ERBB4: variants seen among roughly 807,000 people sequenced by gnomAD.
The protein encoded by ERBB4 is erb-b2 receptor tyrosine kinase 4, also known as receptor tyrosine-protein kinase erbB-4.
Under a neutral mutation model 158.0 loss-of-function variants are expected in ERBB4, and 42 were observed. That is an observed-to-expected ratio of 0.27 (90% CI 0.21 to 0.34). ERBB4 has a LOEUF of 0.34. Among genes scored for constraint, ERBB4 ranks in the 10% least tolerant of loss-of-function variants. ERBB4 has a pLI of 1.00. For missense variants in ERBB4, 1,333 were observed against 1,624.1 expected (o/e 0.82, Z 3.08); for synonymous variants, 583 against 558.7 (o/e 1.04, Z -0.61).
intron 20 of ERBB4, among the ~76,000 whole-genome samples, chr2:211,468,548 G>GA (rs967168974): frequency 2.0e-5 from 3 of 152,038 alleles, no homozygotes; most frequent in Non-Finnish European, 2.9e-5. Context: ...TATTTGCCTG[G>GA]AAAAATGTAG....
intron 1 of ERBB4, among the ~76,000 whole-genome samples, chr2:212,372,525 G>A (rs556760625): frequency 5.9e-5 from 9 of 152,056 alleles, no homozygotes; most frequent in South Asian, 2.1e-4. Flanking sequence ...TGAGGCGGGC[G>A]GATCACAAAT....
intron 1 of ERBB4, among the ~76,000 whole-genome samples, chr2:212,235,543 T>C (rs1322771824): frequency 6.6e-6 from 1 of 152,204 alleles, no homozygotes; most frequent in Admixed American, 6.5e-5. Context: ...GCATTGAATC[T>C]ATAAATTACT....
At chr2:211,578,292 G>A (rs1031639198) in intron 19 of ERBB4, among the ~76,000 whole-genome samples, 3 of 152,030 alleles carry the variant, frequency 2.0e-5, no homozygotes, top group Admixed American at 2.0e-4. Flanking sequence ...CACTGCTCAA[G>A]GAAATCAGAG....
At chr2:212,289,415 TG>T (rs1254428992) in intron 1 of ERBB4, among the ~76,000 whole-genome samples, 1 of 152,212 alleles carries the variant, frequency 6.6e-6, no homozygotes, top group Non-Finnish European at 1.5e-5. Context: ...GAGAAATTCT[TG>T]GTTAGTAAAT....
chr2:212,181,043 T>C (rs1313120735), intron 1 of ERBB4, among the ~76,000 whole-genome samples: 2 of 151,672 alleles, frequency 1.3e-5, no homozygotes, highest in Admixed American at 1.3e-4. Flanking sequence ...GAATTGTTTT[T>C]ATTTCAATTC....
intron 3 of ERBB4, among the ~76,000 whole-genome samples, chr2:211,838,800 T>C (rs2077399117): frequency 6.6e-6 from 1 of 152,136 alleles, no homozygotes; most frequent in African/African-American, 2.4e-5. Flanking sequence ...GGGTCTGTAT[T>C]GGAGGTCACA....
chr2:211,841,035 G>A (rs1000347803), intron 3 of ERBB4, among the ~76,000 whole-genome samples: 22 of 151,966 alleles, frequency 1.4e-4, no homozygotes, highest in African/African-American at 5.3e-4. Context: ...TTATAGTGAA[G>A]AATATAATTC....
At chr2:212,502,944 G>T (rs1442697669) in intron 1 of ERBB4, among the ~76,000 whole-genome samples, 1 of 151,938 alleles carries the variant, frequency 6.6e-6, no homozygotes, top group African/African-American at 2.4e-5. Context: ...CTAATTTTTC[G>T]TACAGACAGG....
chr2:211,568,870 CATA>C (rs751677697), intron 19 of ERBB4, among the ~76,000 whole-genome samples: 3 of 152,072 alleles, frequency 2.0e-5, no homozygotes, highest in African/African-American at 7.2e-5. Flanking sequence ...ATCACTGGTC[CATA>C]ATAATTTTTT....
chr2:212,501,128 A>G (rs1408480096), intron 1 of ERBB4, among the ~76,000 whole-genome samples: 1 of 152,206 alleles, frequency 6.6e-6, no homozygotes, highest in Non-Finnish European at 1.5e-5. Flanking sequence ...CCAGTAGCAG[A>G]GTCTTTAATT....
At chr2:212,224,041 A>T (rs2105962324) in intron 1 of ERBB4, among the ~76,000 whole-genome samples, 1 of 152,088 alleles carries the variant, frequency 6.6e-6, no homozygotes, top group African/African-American at 2.4e-5. Flanking sequence ...TATTTTATGC[A>T]TATAAGCATT....
chr2:212,219,301 A>T (rs1265890897), intron 1 of ERBB4, among the ~76,000 whole-genome samples: 1 of 151,470 alleles, frequency 6.6e-6, no homozygotes, highest in Non-Finnish European at 1.5e-5. Context: ...GGTAGGGTGA[A>T]GTTTGTATAA....
chr2:211,993,041 C>T (rs2082116648), intron 2 of ERBB4, among the ~76,000 whole-genome samples: 1 of 152,198 alleles, frequency 6.6e-6, no homozygotes, highest in Admixed American at 6.5e-5. Flanking sequence ...TCTTTGCATG[C>T]TGGCGAGCCA....
At chr2:211,770,442 A>G (rs1057384992) in intron 4 of ERBB4, among the ~76,000 whole-genome samples, 1 of 152,230 alleles carries the variant, frequency 6.6e-6, no homozygotes, top group Non-Finnish European at 1.5e-5. Context: ...AAAGTTAATT[A>G]TTCAAATTGC....
At chr2:212,125,043 C>T (rs918705051) in intron 1 of ERBB4, 140 bp from the exon 2 acceptor site, 10 of 945,794 alleles carry the variant, frequency 1.1e-5, no homozygotes, top group African/African-American at 1.6e-5. Flanking sequence ...CATTAAGAGG[C>T]ATAGACCCAC....
At position 211,522,472 on chromosome 2, in the gene ERBB4, C is replaced by T. The variant is rs552544484; in HGVS notation, c.2487+39431G>A. 2.2e-4 allele frequency among the ~76,000 whole-genome samples: 33 copies of T among 152,254 alleles called. No homozygotes were observed. The East Asian group carries it at 6.4e-3, about 29-fold the overall frequency. On this transcript the variant is annotated intron_variant, in intron 20 of 27. Coordinates refer to ENST00000342788, the MANE Select transcript of ERBB4 (RefSeq NM_005235.3). ...AAGCAGTTTCTTAAGACAGAATCTA[C>T]TCATGGTGAAGGCGTTGTGAACATT...
At chr2:211,916,263 T>C (rs2125066644) in intron 3 of ERBB4, among the ~76,000 whole-genome samples, 1 of 152,134 alleles carries the variant, frequency 6.6e-6, no homozygotes, top group South Asian at 2.1e-4. Context: ...CACTGCAACC[T>C]CTGTCTCCCG....
At chr2:212,453,104 G>C (rs1226401638) in intron 1 of ERBB4, among the ~76,000 whole-genome samples, 1 of 152,142 alleles carries the variant, frequency 6.6e-6, no homozygotes, top group Non-Finnish European at 1.5e-5. Context: ...CTAGAAAACA[G>C]GGATTATATC....
At chr2:211,570,645 T>TCACCTTCACTGTGCTTAC (rs1304898788) in intron 19 of ERBB4, among the ~76,000 whole-genome samples, 2 of 152,158 alleles carry the variant, frequency 1.3e-5, no homozygotes, top group Non-Finnish European at 2.9e-5. Context: ...TAGTACAACT[T>TCACCTTCACTGTGCTTAC]CACCTTCACT....
Sources: gnomAD v4.1 joint callset for allele counts (sites outside exome capture counted in the v4.1 genomes callset) on GRCh38, gnomAD v4.1.1 for gene constraint, MANE v1.5 for transcripts, NCBI Gene and HGNC (gene_info 2026-07-23, HGNC 2026-07-21) for gene names.